The following CNBD1 variants were observed in gnomAD, a reference collection of about 807,000 sequenced individuals.
CNBD1 encodes the protein cyclic nucleotide binding domain containing 1, also known as cyclic nucleotide-binding domain-containing protein 1.
CNBD1 carries 71 observed loss-of-function variants against 54.4 expected under a neutral mutation model. The observed-to-expected ratio is 1.30, with a 90% confidence interval of 1.08 to 1.59. The LOEUF (loss-of-function observed/expected upper bound fraction) is 1.59. Among genes scored for constraint, CNBD1 ranks in the 40% most tolerant of loss-of-function variants. The probability of loss-of-function intolerance (pLI) is 0.00; values close to 1 mark genes in which losing one functional copy is unlikely to be tolerated. For missense variants in CNBD1, 659 were observed against 518.0 expected, an observed-to-expected ratio of 1.27 and a Z score of -2.64; for synonymous variants, 182 against 170.7, an observed-to-expected ratio of 1.07 and a Z score of -0.51.
intron 3 of CNBD1, among the ~76,000 whole-genome samples, chr8:86,938,479 G>C (rs910869295): frequency 6.6e-6 from 1 of 152,200 alleles, no homozygotes; most frequent in Non-Finnish European, 1.5e-5. Context: ...AGGTTTAATA[G>C]ACTCACAGTT....
intron 5 of CNBD1, among the ~76,000 whole-genome samples, chr8:87,220,797 ATTAT>A (rs1162100682): frequency 4.6e-5 from 7 of 151,814 alleles, no homozygotes; most frequent in Admixed American, 2.0e-4. Context: ...TGTATTTTGG[ATTAT>A]TTATTTATGA....
intron 10 of CNBD1, among the ~76,000 whole-genome samples, chr8:87,364,577 T>A (rs967506210): frequency 6.6e-6 from 1 of 151,948 alleles, no homozygotes; most frequent in African/African-American, 2.4e-5. Flanking sequence ...GTGTATAGAT[T>A]TTTTTGTCAC....
chr8:87,229,664 T>A (rs1263829305), intron 5 of CNBD1, among the ~76,000 whole-genome samples: 1 of 152,198 alleles, frequency 6.6e-6, no homozygotes, highest in African/African-American at 2.4e-5. Flanking sequence ...TCATTTTAAC[T>A]CCATTTACAA....
chr8:87,115,667 T>A (rs954940129), intron 4 of CNBD1, among the ~76,000 whole-genome samples: 2 of 152,184 alleles, frequency 1.3e-5, no homozygotes, highest in Non-Finnish European at 2.9e-5. Context: ...AGAGAGCTTG[T>A]GGTGTAGACA....
intron 4 of CNBD1, among the ~76,000 whole-genome samples, chr8:87,180,345 C>T (rs922236016): frequency 2.0e-5 from 3 of 151,994 alleles, no homozygotes; most frequent in African/African-American, 7.2e-5. Context: ...TTTTTATCAC[C>T]TTTTACTCAA....
Position 87,382,740 on chromosome 8 carries a change from T to A in CNBD1, c.*113T>A. 1 of 708,272 alleles carries A rather than the reference T, an allele frequency of 1.4e-6. No homozygotes were observed. The highest frequency in any genetic ancestry group is 2.2e-6 in the Non-Finnish European group (1 of 445,120). The allele number at this position is 708,272 out of a possible 1,614,324, so 43.9% of individuals were successfully genotyped here. ...AGCAATGAATTTGGTCTATTGTGAC[T>A]ACATATCCTGGATTCCCCAGGAAAG... On this transcript the variant is annotated 3_prime_UTR_variant, in exon 11 of 11. Transcript: ENST00000518476.
chr8:87,266,324 A>G (rs1808256740), intron 6 of CNBD1, among the ~76,000 whole-genome samples: 1 of 151,654 alleles, frequency 6.6e-6, no homozygotes, highest in Non-Finnish European at 1.5e-5. Flanking sequence ...TATTAGGTAT[A>G]AAAACACAAA....
At chr8:87,319,535 AG>A (rs920571056) in intron 8 of CNBD1, among the ~76,000 whole-genome samples, 2 of 152,122 alleles carry the variant, frequency 1.3e-5, no homozygotes, top group African/African-American at 4.8e-5. Flanking sequence ...GAAGCAAAAA[AG>A]TAATTTTACC....
chr8:87,402,353 A>G (rs4961033), intron 2 of CNBD1, among the ~76,000 whole-genome samples: 83,203 of 151,848 alleles, frequency 0.55, 23,878 homozygotes, highest in African/African-American at 0.71. Context: ...TTCAGGAAGC[A>G]TTCTTTTTCA....
chr8:86,997,408 A>G (rs1236675477), intron 4 of CNBD1, among the ~76,000 whole-genome samples: 1 of 152,178 alleles, frequency 6.6e-6, no homozygotes, highest in Non-Finnish European at 1.5e-5. Context: ...TTGCCTTGGA[A>G]AGGTAATTAG....
chr8:87,190,066 G>A (rs991612821), intron 4 of CNBD1, among the ~76,000 whole-genome samples: 3 of 152,104 alleles, frequency 2.0e-5, no homozygotes, highest in Non-Finnish European at 4.4e-5. Context: ...CTATTAAGAA[G>A]GTCCAAGAGC....
chr8:87,272,417 A>G (rs1329703452), intron 6 of CNBD1, among the ~76,000 whole-genome samples: 1 of 151,986 alleles, frequency 6.6e-6, no homozygotes, highest in East Asian at 1.9e-4. Flanking sequence ...ATTTAGGCTG[A>G]CACAGTTATT....
At chr8:87,283,036 C>T (rs951023625) in intron 6 of CNBD1, among the ~76,000 whole-genome samples, 1 of 152,032 alleles carries the variant, frequency 6.6e-6, no homozygotes, top group African/African-American at 2.4e-5. Context: ...TCAGTTTCTT[C>T]TAGAATTTCT....
intron 4 of CNBD1, among the ~76,000 whole-genome samples, chr8:87,196,188 C>A (rs1210679254): frequency 6.6e-6 from 1 of 152,056 alleles, no homozygotes; most frequent in African/African-American, 2.4e-5. Context: ...TTAAGAAAGG[C>A]CATGTAAATC....
intron 2 of CNBD1, among the ~76,000 whole-genome samples, chr8:87,411,963 T>C (rs566456613): frequency 2.6e-5 from 4 of 152,148 alleles, no homozygotes; most frequent in Admixed American, 2.6e-4. Flanking sequence ...TAGCTTTTTT[T>C]GTTTTTCTTA....
intron 6 of CNBD1, among the ~76,000 whole-genome samples, chr8:87,271,230 GT>G (rs1178085686): frequency 6.6e-6 from 1 of 150,644 alleles, no homozygotes; most frequent in Non-Finnish European, 1.5e-5. Context: ...ATTTCACTTT[GT>G]TGATCTTGTA....
At chr8:87,403,285 A>G (rs1475914123) in intron 2 of CNBD1, among the ~76,000 whole-genome samples, 1 of 152,024 alleles carries the variant, frequency 6.6e-6, no homozygotes, top group Non-Finnish European at 1.5e-5. Context: ...AGTTAGTTTC[A>G]TCTATTTTGG....
intron 4 of CNBD1, among the ~76,000 whole-genome samples, chr8:87,143,709 G>C (rs1274678746): frequency 6.6e-6 from 1 of 152,126 alleles, no homozygotes. Context: ...CCAAACCTGT[G>C]TTGAATCAGG....
intron 4 of CNBD1, among the ~76,000 whole-genome samples, chr8:87,035,677 G>A (rs1430435465): frequency 2.0e-5 from 3 of 152,070 alleles, no homozygotes; most frequent in Non-Finnish European, 4.4e-5. Flanking sequence ...ATGAGGTTTG[G>A]CTTTAATACA....
Sources: gnomAD v4.1 joint callset for allele counts (sites outside exome capture counted in the v4.1 genomes callset) on GRCh38, gnomAD v4.1.1 for gene constraint, MANE v1.5 for transcripts, NCBI Gene and HGNC (gene_info 2026-07-23, HGNC 2026-07-21) for gene names.